Variants in TUBGCP3 observed in about 807,000 individuals in gnomAD.
TUBGCP3 encodes gamma-tubulin complex component 3.
In TUBGCP3, 50 loss-of-function variants were observed where a neutral mutation model predicts 123.1. The ratio of observed to expected loss-of-function variants is 0.41; its 90% CI spans 0.32 to 0.51. The LOEUF is 0.51. Among genes scored for constraint, TUBGCP3 ranks in the 20% least tolerant of loss-of-function variants. The probability of loss-of-function intolerance (pLI) is 0.36; values close to 1 mark genes in which losing one functional copy is unlikely to be tolerated. For missense variants in TUBGCP3, 882 were observed against 1,127.0 expected (o/e 0.78, Z 3.11); for synonymous variants, 405 against 413.9 (o/e 0.98, Z 0.26).
chr13:112,547,709 C>T lies in TUBGCP3; in HGVS notation c.1079G>A (p.Ser360Asn), dbSNP rs1879181331. 2 of 1,546,426 alleles carry T rather than the reference C, an allele frequency of 1.3e-6. No homozygotes were observed. Among genetic ancestry groups the T allele is most frequent in the Non-Finnish European group, 1.7e-6 (2 of 1,145,242 alleles). The change falls in exon 10 of 22, where the codon AGT (serine) becomes AAT (asparagine). Residue 360 changes from serine to asparagine, a missense_variant. By Grantham distance (46) the Ser-to-Asn change is conservative. This residue lies in a region of TUBGCP3 where 713 missense variants were observed against 874.0 expected (regional missense o/e 0.82). Coordinates refer to ENST00000261965, the MANE Select transcript of TUBGCP3 (RefSeq NM_006322.6). ...DDQGVNLGLESSLTLRRLLVW... is the reference protein window; with the variant it reads ...DDQGVNLGLENSLTLRRLLVW... ...CAGGAGGCGCCGAAGTGTTAAACTA[C>T]TCTCAAGTCCCAAATTCACACCCTG...
At chr13:112,553,369 T>C (rs537040324) in intron 8 of TUBGCP3, among the ~76,000 whole-genome samples, 45 of 152,390 alleles carry the variant, frequency 3.0e-4, no homozygotes, top group African/African-American at 9.1e-4. Context: ...ACAGTTGTTC[T>C]GTGATTCAAT....
At chr13:112,602,052 TG>T in the TUBGCP3 span, among the ~76,000 whole-genome samples, 2 of 152,330 alleles carry the variant, frequency 1.3e-5, no homozygotes, top group African/African-American at 4.8e-5. Context: ...TTTTTAGAAG[TG>T]GAAGCTGCAG....
At chr13:112,582,190 A>C (rs1882317029) in intron 1 of TUBGCP3, among the ~76,000 whole-genome samples, 1 of 152,218 alleles carries the variant, frequency 6.6e-6, no homozygotes, top group Admixed American at 6.5e-5. Flanking sequence ...TGTCCACTAC[A>C]CGCTTCTGGT....
intron 21 of TUBGCP3, among the ~76,000 whole-genome samples, chr13:112,488,829 A>AC (rs1879865549): frequency 7.7e-6 from 1 of 129,928 alleles, no homozygotes. Flanking sequence ...AGGTCCCCAC[A>AC]CCCACCACAG....
At chr13:112,486,511 T>C (rs903187963) in intron 21 of TUBGCP3, among the ~76,000 whole-genome samples, 8 of 152,246 alleles carry the variant, frequency 5.3e-5, no homozygotes, top group African/African-American at 1.4e-4. Context: ...AATACAAAAC[T>C]CAGTGCCACA....
chr13:112,600,106 T>C, the TUBGCP3 span, among the ~76,000 whole-genome samples: 1 of 152,196 alleles, frequency 6.6e-6, no homozygotes, highest in East Asian at 1.9e-4. Flanking sequence ...ATGGATCCTT[T>C]TAGCTGAGGC....
At chr13:112,542,008 G>A (rs1040588082) in intron 11 of TUBGCP3, among the ~76,000 whole-genome samples, 10 of 152,166 alleles carry the variant, frequency 6.6e-5, no homozygotes, top group Admixed American at 3.3e-4. Context: ...TATAATGGAT[G>A]ATAAGAAGAT....
In TUBGCP3 at chr13:112,561,248, G is replaced by A. The variant is rs191600813; in HGVS notation, c.253-1849C>T. Among the ~76,000 whole-genome samples the A allele has an allele frequency of 2.2e-3, 338 of 152,290 alleles. 2 individuals carry two copies. The highest frequency in any genetic ancestry group is 7.7e-3 in the African/African-American group (322 of 41,556). On this transcript the variant is annotated intron_variant, in intron 3 of 21. Coordinates refer to ENST00000261965, the MANE Select transcript of TUBGCP3 (RefSeq NM_006322.6). ...AGTGTGTGCTCAGGCATGTGTCCCCGGTGAGTCCCTGCAAGCCAGCAACAG... is the reference window on the plus strand; with the variant it reads ...AGTGTGTGCTCAGGCATGTGTCCCCAGTGAGTCCCTGCAAGCCAGCAACAG...
intron 17 of TUBGCP3, among the ~76,000 whole-genome samples, chr13:112,510,084 C>G (rs766497968): frequency 1.3e-5 from 2 of 152,182 alleles, no homozygotes; most frequent in Non-Finnish European, 2.9e-5. Flanking sequence ...TCCTGCAGGG[C>G]CGACGCCACA....
At chr13:112,568,816 C>T (rs1201617134) in intron 2 of TUBGCP3, among the ~76,000 whole-genome samples, 3 of 152,214 alleles carry the variant, frequency 2.0e-5, no homozygotes, top group Non-Finnish European at 4.4e-5. Context: ...AGCTGAGCTT[C>T]CCCTCAGACT....
chr13:112,519,663 G>A lies in TUBGCP3; in HGVS notation c.1881+223C>T, dbSNP rs1342527189. ...GCCTAGCAGCCCTGCAAGGCTCCCC[G>A]CTGCAAGATGGGCAAACGGAAACCC... On this transcript the variant is annotated intron_variant, in intron 15 of 21. Coordinates refer to ENST00000261965, the MANE Select transcript of TUBGCP3 (RefSeq NM_006322.6). This position sits in a 1 kb window ranked among gnomAD's most constrained non-coding sequence, Gnocchi z 6.2. 3.3e-5 allele frequency among the ~76,000 whole-genome samples: 5 copies of A among 152,218 alleles called. No homozygotes were observed. Among genetic ancestry groups the A allele is most frequent in the East Asian group, 1.9e-4 (1 of 5,204 alleles).
At chr13:112,586,838 T>C (rs549676957) in intron 1 of TUBGCP3, among the ~76,000 whole-genome samples, 9 of 152,208 alleles carry the variant, frequency 5.9e-5, no homozygotes, top group African/African-American at 1.9e-4. Context: ...ATTTCTTAGA[T>C]AAATAAAGTG....
In TUBGCP3 at chr13:112,504,614, A is replaced by T. The variant is rs554383220; in HGVS notation, c.2175+12T>A. 1 of 1,610,402 alleles carries T rather than the reference A, an allele frequency of 6.2e-7. No individual in the cohort carries two copies. The highest frequency in any genetic ancestry group is 8.5e-7 in the Non-Finnish European group (1 of 1,177,104). ...TATTTAAACTAAAATCAACACAATG[A>T]CTGAAGTGTACCTCAAATGTGATGT... is the stretch of plus-strand genomic sequence containing the variant. On this transcript the variant is annotated intron_variant, in intron 18 of 21. Coordinates refer to ENST00000261965, the MANE Select transcript of TUBGCP3 (RefSeq NM_006322.6).
intron 17 of TUBGCP3, among the ~76,000 whole-genome samples, chr13:112,515,480 C>T (rs7987962): frequency 0.016 from 2,427 of 152,284 alleles, 73 homozygotes; most frequent in African/African-American, 0.054. Flanking sequence ...GCGAGAAGGA[C>T]GGTGTGAAAC....
At chr13:112,542,177 T>C (rs1389367493) in intron 11 of TUBGCP3, among the ~76,000 whole-genome samples, 2 of 152,224 alleles carry the variant, frequency 1.3e-5, no homozygotes, top group Non-Finnish European at 2.9e-5. Context: ...AAAACATTGA[T>C]TTTTCATTTT....
chr13:112,506,407 A>C (rs2139010132), intron 17 of TUBGCP3, among the ~76,000 whole-genome samples: 1 of 152,354 alleles, frequency 6.6e-6, no homozygotes, highest in South Asian at 2.1e-4. Flanking sequence ...ACAACTCTGC[A>C]AAGAATCCTC....
intron 11 of TUBGCP3, among the ~76,000 whole-genome samples, chr13:112,541,221 G>A (rs1027491292): frequency 2.6e-5 from 4 of 152,090 alleles, no homozygotes; most frequent in South Asian, 2.1e-4. Flanking sequence ...TAAAGAACTC[G>A]CGGTACCTTT....
intron 20 of TUBGCP3, among the ~76,000 whole-genome samples, chr13:112,495,754 A>T (rs1880489632): frequency 6.6e-6 from 1 of 152,214 alleles, no homozygotes; most frequent in Non-Finnish European, 1.5e-5. Context: ...TTACTATCTT[A>T]GATAACTATA....
chr13:112,551,376 TG>T (rs113310862), intron 8 of TUBGCP3, among the ~76,000 whole-genome samples: 24,013 of 152,304 alleles, frequency 0.16, 2,152 homozygotes, highest in East Asian at 0.21. Context: ...TTGCTCCATT[TG>T]GTATGTCTAG....
Sources: allele counts gnomAD v4.1 joint callset (sites outside exome capture counted in the v4.1 genomes callset), GRCh38; gene constraint gnomAD v4.1.1; regional missense constraint gnomAD v4.1.1; non-coding constraint Gnocchi (gnomAD v3.1); transcripts MANE v1.5; gene names NCBI Gene and HGNC (gene_info 2026-07-23, HGNC 2026-07-21).